The following SERPINA5 variants were observed in gnomAD, a reference collection of about 807,000 sequenced individuals.
The protein encoded by SERPINA5 is plasma serine protease inhibitor.
Under a neutral mutation model 25.3 loss-of-function variants are expected in SERPINA5, and 25 were observed. The observed-to-expected ratio is 0.99, with a 90% CI of 0.72 to 1.38. SERPINA5 has a LOEUF of 1.38. Among genes scored for constraint, SERPINA5 ranks in the 40% most tolerant of loss-of-function variants. The pLI is 0.00. For synonymous variants in SERPINA5, 234 were observed against 206.2 expected (o/e 1.14, Z -1.16); for missense variants, 599 against 509.5 (o/e 1.18, Z -1.69).
At chr14:94,589,470 A>G (rs1463320185) in intron 3 of SERPINA5, among the ~76,000 whole-genome samples, 1 of 152,036 alleles carries the variant, frequency 6.6e-6, no homozygotes, top group African/African-American at 2.4e-5. Context: ...AAAAGAAAAA[A>G]AAGAAAAAAA....
At chr14:94,588,046 C>T in intron 3 of SERPINA5, 65 bp downstream of exon 3, 1 of 1,546,054 alleles carries the variant, frequency 6.5e-7, no homozygotes, top group East Asian at 2.3e-5. Context: ...CTAAAGAATA[C>T]CCAATTCCCT....
Position 94,582,088 on chromosome 14 carries a change from G to A in SERPINA5, c.-18+378G>A, listed in dbSNP as rs888795039. Reference sequence around the variant, plus strand: ...GATCCAATATTATCGGCTTCCGTGAGATAAGGGCATCTTGCCTGGAGGCTG... The same window carrying A: ...GATCCAATATTATCGGCTTCCGTGAAATAAGGGCATCTTGCCTGGAGGCTG... On this transcript the variant is annotated intron_variant, in intron 2 of 5. Transcript: ENST00000329597. 5 of 152,252 alleles carry A rather than the reference G, an allele frequency of 3.3e-5. No homozygotes were observed. In the South Asian group the frequency reaches 6.2e-4, roughly 19 times the overall value. The allele number at this position is 152,252 out of a possible 1,614,324, so 9.4% of individuals were successfully genotyped here. A position where few individuals can be genotyped will look rare whatever the true frequency, so the allele number is the denominator to read the frequency against.
chr14:94,590,458 A>T (rs1392908927), intron 4 of SERPINA5, 147 bp downstream of exon 4: 1 of 1,068,646 alleles, frequency 9.4e-7, no homozygotes, highest in African/African-American at 1.6e-5. Context: ...GTGACATCCA[A>T]GTCCTGGGGG....
In SERPINA5 at chr14:94,590,878, A is replaced by T. The variant is rs1158587833; in HGVS notation, c.1020A>T (p.Ser340=). Residue 340 remains serine, a synonymous_variant, in exon 5 of 6, where the codon TCA becomes TCT. Transcript: ENST00000329597. ...HADLSGISNH[S]NIQVSEMVHK... The stretch of plus-strand genomic sequence containing the variant: ...ATCTGTCCGGCATCAGCAACCACTC[A>T]AATATCCAGGTGTCTGAGGTGGGTT... The T allele has an allele frequency of 3.1e-6, 5 of 1,611,568 alleles. No homozygotes were observed.
chr14:94,590,323 C>T lies in SERPINA5; in HGVS notation c.890+12C>T, dbSNP rs1269849990. ...ATGTTCAAAAAGAGGTACTTTCAGA[C>T]TACCCCAGGGCCAGCCTAAACCCAC... is the stretch of plus-strand genomic sequence containing the variant. On this transcript the variant is annotated intron_variant, in intron 4 of 5. Coordinates refer to ENST00000329597, the MANE Select transcript of SERPINA5 (RefSeq NM_000624.6). 1 of 1,578,544 alleles carries T rather than the reference C, an allele frequency of 6.3e-7. No individual in the cohort carries two copies. The highest frequency in any genetic ancestry group is 8.6e-7 in the Non-Finnish European group (1 of 1,159,690).
Position 94,590,976 on chromosome 14 carries a change from A to T in SERPINA5, c.1038+80A>T, listed in dbSNP as rs1885258724. 6 of 1,360,166 alleles carry T rather than the reference A, an allele frequency of 4.4e-6. No individual in the cohort carries two copies. In the South Asian group the frequency reaches 9.4e-5, roughly 21 times the overall value. 84.3% of individuals were successfully genotyped at this position (1,360,166 alleles called of 1,614,324 possible). Reference sequence around the variant, plus strand: ...TTTCTATTCTACTCTACCCCATTTCATTCCATTCCATTCCACTCAACTCCA... The same window carrying T: ...TTTCTATTCTACTCTACCCCATTTCTTTCCATTCCATTCCACTCAACTCCA... On this transcript the variant is annotated intron_variant, in intron 5 of 5. Coordinates refer to ENST00000329597, the MANE Select transcript of SERPINA5 (RefSeq NM_000624.6).
chr14:94,588,211 C>T (rs1406510615), intron 3 of SERPINA5, among the ~76,000 whole-genome samples: 1 of 152,138 alleles, frequency 6.6e-6, no homozygotes, highest in Non-Finnish European at 1.5e-5. Context: ...GGAGGAAGAG[C>T]TGGTTGCTGT....
rs771123400 is a variant in SERPINA5, at chr14:94,587,951, G to A, written c.589G>A (p.Val197Met). The A allele has an allele frequency of 3.3e-5, 53 of 1,614,006 alleles. No individual in the cohort carries two copies. Among genetic ancestry groups the A allele is most frequent in the Non-Finnish European group, 3.8e-5 (45 of 1,179,964 alleles). The change falls in exon 3 of 6, where the codon GTG (valine) becomes ATG (methionine). Residue 197 changes from valine (V) to methionine (M), a missense_variant. Coordinates refer to ENST00000329597, the MANE Select transcript of SERPINA5 (RefSeq NM_000624.6). ...TAAGAACCTCGATAGCAATGCGGTCGTGATCATGGTGAATTACATCTTCTT... is the reference window on the plus strand; with the variant it reads ...TAAGAACCTCGATAGCAATGCGGTCATGATCATGGTGAATTACATCTTCTT... ...LLKNLDSNAV[V>M]IMVNYIFFKA...
Position 94,588,084 on chromosome 14 carries a change from T to G in SERPINA5, c.619+103T>G. 8 of 1,447,832 alleles carry G rather than the reference T, an allele frequency of 5.5e-6. No individual in the cohort carries two copies. In the South Asian group the frequency reaches 1.1e-4, roughly 20 times the overall value. The allele number at this position is 1,447,832 out of a possible 1,614,324, so 89.7% of individuals were successfully genotyped here. A position where few individuals can be genotyped will look rare whatever the true frequency, so the allele number is the denominator to read the frequency against. On this transcript the variant is annotated intron_variant, in intron 3 of 5. Coordinates refer to ENST00000329597, the MANE Select transcript of SERPINA5 (RefSeq NM_000624.6). ...CATACATAAAAGACGGGGAGTACGT[T>G]AAGTTCTTTTGGGTGCCTGTTGAGA...
chr14:94,591,929 C>T lies in SERPINA5; in HGVS notation c.1039-128C>T, dbSNP rs1595082997. On this transcript the variant is annotated intron_variant, in intron 5 of 5. Transcript: ENST00000329597. ...AGTAGCTGCTCCATTGTTCCATTTC[C>T]TACTTGCTCCATGGCTCAGTTGAAC... The T allele has an allele frequency of 4.5e-5, 47 of 1,046,708 alleles. No homozygotes were observed. In the East Asian group the frequency reaches 1.1e-3, roughly 24 times the overall value. The allele number at this position is 1,046,708 out of a possible 1,614,324, so 64.8% of individuals were successfully genotyped here. A position where few individuals can be genotyped will look rare whatever the true frequency, so the allele number is the denominator to read the frequency against.
rs1885254920 is a variant in SERPINA5, at chr14:94,590,875, C to T, written c.1017C>T (p.His339=). 6.2e-7 allele frequency: 1 copy of T among 1,612,424 alleles called. No individual in the cohort carries two copies. The highest frequency in any genetic ancestry group is 8.5e-7 in the Non-Finnish European group (1 of 1,178,934). The stretch of plus-strand genomic sequence containing the variant: ...CTGATCTGTCCGGCATCAGCAACCA[C>T]TCAAATATCCAGGTGTCTGAGGTGG... ...SHADLSGISN[H]SNIQVSEMVH... is the part of the protein sequence containing the mutation. Residue 339 remains histidine (H), a synonymous_variant, in exon 5 of 6, where the codon CAC becomes CAT. Transcript: ENST00000329597.
chr14:94,589,835 A>G (rs1271853823), intron 3 of SERPINA5, among the ~76,000 whole-genome samples: 1 of 152,166 alleles, frequency 6.6e-6, no homozygotes, highest in African/African-American at 2.4e-5. Context: ...TGGAAGGAAA[A>G]GTCCCACGAA....
chr14:94,589,383 G>A (rs1885202244), intron 3 of SERPINA5, among the ~76,000 whole-genome samples: 1 of 151,986 alleles, frequency 6.6e-6, no homozygotes, highest in African/African-American at 2.4e-5. Flanking sequence ...GGGAGGTGGG[G>A]GCTGTAGTGA....
At chr14:94,584,620 G>C (rs1191536142) in intron 2 of SERPINA5, among the ~76,000 whole-genome samples, 2 of 152,178 alleles carry the variant, frequency 1.3e-5, no homozygotes, top group African/African-American at 4.8e-5. Flanking sequence ...GAGGCCCAGA[G>C]GGGGTGAGGC....
chr14:94,589,933 A>G (rs774818733), intron 3 of SERPINA5, 108 bp from the exon 4 acceptor site: 9 of 1,096,238 alleles, frequency 8.2e-6, no homozygotes, highest in African/African-American at 1.6e-5. Context: ...TGCCATAAAG[A>G]TGGTCTCCGC....
At chr14:94,589,391 T>C (rs1364646681) in intron 3 of SERPINA5, among the ~76,000 whole-genome samples, 2 of 151,584 alleles carry the variant, frequency 1.3e-5, no homozygotes, top group Non-Finnish European at 2.9e-5. Flanking sequence ...GGGGCTGTAG[T>C]GAGCCAAAAT....
chr14:94,591,422 C>T (rs531645235), intron 5 of SERPINA5, among the ~76,000 whole-genome samples: 15 of 149,812 alleles, frequency 1.0e-4, no homozygotes, highest in Non-Finnish European at 1.8e-4. Flanking sequence ...TTCCATTCTA[C>T]TCTATTCTAT....
intron 4 of SERPINA5, 46 bp downstream of exon 4, chr14:94,590,357 AG>A: frequency 6.5e-7 from 1 of 1,537,986 alleles, no homozygotes; most frequent in South Asian, 1.3e-5. Context: ...ACACAGCCCC[AG>A]GGAGACACAC....
At chr14:94,586,679 C>T (rs967522721) in intron 2 of SERPINA5, among the ~76,000 whole-genome samples, 2 of 152,092 alleles carry the variant, frequency 1.3e-5, no homozygotes, top group African/African-American at 4.8e-5. Context: ...GTGGGGATGT[C>T]CACATGAAGA....
Sources: allele counts gnomAD v4.1 joint callset (sites outside exome capture counted in the v4.1 genomes callset), GRCh38; gene constraint gnomAD v4.1.1; transcripts MANE v1.5; gene names NCBI Gene and HGNC (gene_info 2026-07-23, HGNC 2026-07-21).